CNTLN: variants seen among roughly 807,000 people sequenced by gnomAD.
The protein encoded by CNTLN is centlein.
CNTLN carries 212 observed loss-of-function variants against 180.0 expected under a neutral mutation model. The observed-to-expected ratio is 1.18, with a 90% confidence interval of 1.05 to 1.32. The LOEUF is 1.32. Among genes scored for constraint, CNTLN ranks in the 40% most tolerant of loss-of-function variants. The probability of loss-of-function intolerance (pLI) is 0.00; values close to 1 mark genes in which losing one functional copy is unlikely to be tolerated. For synonymous variants in CNTLN, 722 were observed against 563.1 expected (o/e 1.28, Z -3.99); for missense variants, 2,095 against 1,610.9 (o/e 1.30, Z -5.14).
At chr9:17,284,363 T>G (rs990459269) in intron 6 of CNTLN, among the ~76,000 whole-genome samples, 2 of 152,194 alleles carry the variant, frequency 1.3e-5, no homozygotes, top group Non-Finnish European at 2.9e-5. Context: ...GCACCTCTGA[T>G]AGAATTCAGC....
intron 23 of CNTLN, among the ~76,000 whole-genome samples, chr9:17,475,492 C>T (rs947531575): frequency 2.7e-5 from 4 of 149,380 alleles, no homozygotes; most frequent in Non-Finnish European, 5.9e-5. Context: ...CTAACACAAG[C>T]CGGGAAATAA....
At chr9:17,475,762 A>G (rs542971287) in intron 23 of CNTLN, among the ~76,000 whole-genome samples, 1 of 151,862 alleles carries the variant, frequency 6.6e-6, no homozygotes, top group Admixed American at 6.6e-5. Flanking sequence ...AGTCCCAGCT[A>G]CTTGGGAGGC....
At chr9:17,321,210 A>G (rs1261876516) in intron 8 of CNTLN, among the ~76,000 whole-genome samples, 27 of 152,192 alleles carry the variant, frequency 1.8e-4, no homozygotes, top group Non-Finnish European at 1.2e-4. Flanking sequence ...TATTCGTCAC[A>G]GTATATTATT....
chr9:17,139,983 C>T (rs565350076), intron 1 of CNTLN, among the ~76,000 whole-genome samples: 15 of 152,256 alleles, frequency 9.9e-5, no homozygotes, highest in Non-Finnish European at 2.1e-4. Flanking sequence ...GGGTGAGCTA[C>T]CGCACCTGGC....
intron 23 of CNTLN, among the ~76,000 whole-genome samples, chr9:17,477,170 T>C (rs187368940): frequency 3.9e-5 from 6 of 152,296 alleles, no homozygotes; most frequent in East Asian, 1.9e-4. Context: ...AGGCCCAATA[T>C]TGAGACCTAT....
At chr9:17,444,990 T>C (rs1018188393) in intron 18 of CNTLN, among the ~76,000 whole-genome samples, 2 of 152,146 alleles carry the variant, frequency 1.3e-5, no homozygotes, top group Non-Finnish European at 2.9e-5. Flanking sequence ...TGAAAGACTT[T>C]TTTTGGTAAT....
chr9:17,399,819 T>C (rs79744419), intron 15 of CNTLN, among the ~76,000 whole-genome samples: 4,767 of 152,294 alleles, frequency 0.031, 250 homozygotes, highest in African/African-American at 0.11. Flanking sequence ...GGAACGTCCT[T>C]ATCTCAAAAG....
At chr9:17,310,824 T>C (rs13287407) in intron 8 of CNTLN, among the ~76,000 whole-genome samples, 34,772 of 152,082 alleles carry the variant, frequency 0.23, 4,234 homozygotes, top group South Asian at 0.36. Flanking sequence ...GACTAGCCAG[T>C]ATGTGTCTTC....
intron 2 of CNTLN, among the ~76,000 whole-genome samples, chr9:17,154,577 C>T (rs2131540328): frequency 6.6e-6 from 1 of 152,314 alleles, no homozygotes; most frequent in Non-Finnish European, 1.5e-5. Flanking sequence ...TGTCTGTTGG[C>T]CCCAACTGGG....
intron 13 of CNTLN, among the ~76,000 whole-genome samples, chr9:17,387,874 A>G (rs757668911): frequency 9.2e-5 from 14 of 152,182 alleles, no homozygotes; most frequent in Non-Finnish European, 1.6e-4. Flanking sequence ...AGTCTACAAA[A>G]GAATGAAAAT....
chr9:17,419,499 GTTTAATTTTATAAA>G (rs1828535394), intron 18 of CNTLN, among the ~76,000 whole-genome samples: 1 of 152,044 alleles, frequency 6.6e-6, no homozygotes. Context: ...CACATGCAAT[GTTTAATTTTATAAA>G]TTTATTTATG....
intron 2 of CNTLN, among the ~76,000 whole-genome samples, chr9:17,208,400 A>G (rs545602874): frequency 8.5e-5 from 13 of 152,288 alleles, no homozygotes; most frequent in South Asian, 2.1e-4. Context: ...TTTTGCATCA[A>G]TGTTCATCAG....
At chr9:17,266,714 G>T (rs1416210457) in intron 5 of CNTLN, among the ~76,000 whole-genome samples, 1 of 152,138 alleles carries the variant, frequency 6.6e-6, no homozygotes, top group East Asian at 1.9e-4. Flanking sequence ...TTATGAATCT[G>T]GGTGCTCCTG....
intron 5 of CNTLN, among the ~76,000 whole-genome samples, chr9:17,260,018 C>G (rs533270053): frequency 7.0e-6 from 1 of 142,542 alleles, no homozygotes; most frequent in East Asian, 2.1e-4. Context: ...CTTCCGCTAG[C>G]TTTTGAATGT....
At chr9:17,290,855 C>A (rs1031207490) in intron 6 of CNTLN, among the ~76,000 whole-genome samples, 4 of 152,236 alleles carry the variant, frequency 2.6e-5, no homozygotes, top group Non-Finnish European at 5.9e-5. Flanking sequence ...CAATGCCTCG[C>A]CCTGCTTCGG....
At chr9:17,364,054 T>C (rs953053065) in intron 12 of CNTLN, among the ~76,000 whole-genome samples, 7 of 152,190 alleles carry the variant, frequency 4.6e-5, no homozygotes, top group South Asian at 2.1e-4. Flanking sequence ...TCTATCTTTG[T>C]TGTCCTGAAG....
At chr9:17,156,213 T>C (rs2131553222) in intron 2 of CNTLN, among the ~76,000 whole-genome samples, 1 of 152,320 alleles carries the variant, frequency 6.6e-6, no homozygotes. Flanking sequence ...TTATTGAGTT[T>C]CGTGTTAACA....
chr9:17,362,459 T>C (rs534849896), intron 12 of CNTLN, among the ~76,000 whole-genome samples: 67 of 152,276 alleles, frequency 4.4e-4, no homozygotes, highest in African/African-American at 1.5e-3. Context: ...GAATTGATGT[T>C]TATAATATAT....
At chr9:17,267,849 C>T (rs539093067) in intron 5 of CNTLN, among the ~76,000 whole-genome samples, 3 of 152,202 alleles carry the variant, frequency 2.0e-5, no homozygotes, top group African/African-American at 7.2e-5. Context: ...GAGGCTTCTG[C>T]AGTCCACGTA....
Sources: allele counts gnomAD v4.1 joint callset (sites outside exome capture counted in the v4.1 genomes callset), GRCh38; gene constraint gnomAD v4.1.1; transcripts MANE v1.5; gene names NCBI Gene and HGNC (gene_info 2026-07-23, HGNC 2026-07-21).